The following ATP6V1H variants were observed in gnomAD, a reference collection of about 807,000 sequenced individuals.
ATP6V1H encodes ATPase H+ transporting V1 subunit H, also known as V-type proton ATPase subunit H.
A neutral mutation model predicts 71.7 loss-of-function variants in ATP6V1H; 39 were observed. The ratio of observed to expected loss-of-function variants is 0.54; its 90% confidence interval spans 0.42 to 0.71. ATP6V1H has a LOEUF of 0.71. Among genes scored for constraint, ATP6V1H ranks in the 30% least tolerant of loss-of-function variants. The pLI is 0.00. For synonymous variants in ATP6V1H, 192 were observed against 199.3 expected (o/e 0.96, Z 0.31); for missense variants, 509 against 594.9 (o/e 0.86, Z 1.50).
Position 53,748,220 on chromosome 8 carries a change from G to A in ATP6V1H, c.1278-4530C>T, listed in dbSNP as rs140134429. Among the ~76,000 whole-genome samples, 535 of 151,974 alleles carry A rather than the reference G, an allele frequency of 3.5e-3. 3 individuals are homozygous for A. Among genetic ancestry groups the A allele is most frequent in the African/African-American group, 0.012 (493 of 41,476 alleles). On this transcript the variant is annotated intron_variant, in intron 12 of 13. Transcript: ENST00000359530. ...GTTTCAGTAAAATGTAAGCTCCATG[G>A]GGCAAGACTCAACAAATATTCCTAC...
intron 7 of ATP6V1H, among the ~76,000 whole-genome samples, chr8:53,809,332 T>C (rs1022473771): frequency 3.9e-5 from 6 of 152,182 alleles, no homozygotes; most frequent in Admixed American, 1.3e-4. Context: ...CCTATGGAAA[T>C]ATAAGAATCA....
rs186490526 is a variant in ATP6V1H at position 53,736,767 on chromosome 8, G to C, written c.1391+6810C>G. On this transcript the variant is annotated intron_variant, in intron 13 of 13. Transcript: ENST00000359530. ...CCACTAATAAGTGAGATTCTCACAG[G>C]GGGGAATAAGGAAGGAGACCACCTC... Among the ~76,000 whole-genome samples the C allele has an allele frequency of 3.4e-3, 512 of 152,274 alleles. 5 individuals are homozygous for C. The highest frequency in any genetic ancestry group is 4.8e-3 in the South Asian group (23 of 4,824).
At chr8:53,749,559 G>A (rs952611898) in intron 12 of ATP6V1H, among the ~76,000 whole-genome samples, 4 of 152,252 alleles carry the variant, frequency 2.6e-5, no homozygotes, top group East Asian at 3.9e-4. Context: ...TCCTGCTGGA[G>A]GTCTGGGGTA....
At chr8:53,828,025 T>C (rs549612573) in intron 4 of ATP6V1H, among the ~76,000 whole-genome samples, 2 of 152,224 alleles carry the variant, frequency 1.3e-5, no homozygotes, top group African/African-American at 2.4e-5. Flanking sequence ...GGCATTTAGA[T>C]TGATTCCATG....
chr8:53,799,001 T>G (rs1219586769), intron 8 of ATP6V1H, among the ~76,000 whole-genome samples: 2 of 152,198 alleles, frequency 1.3e-5, no homozygotes, highest in African/African-American at 4.8e-5. Flanking sequence ...TTTTGGTATT[T>G]GAGTTTATTT....
intron 13 of ATP6V1H, among the ~76,000 whole-genome samples, chr8:53,719,182 T>G (rs2130071315): frequency 6.6e-6 from 1 of 152,280 alleles, no homozygotes; most frequent in South Asian, 2.1e-4. Flanking sequence ...CTATTTTTAT[T>G]TTTTTAGAGA....
intron 4 of ATP6V1H, among the ~76,000 whole-genome samples, 187 bp downstream of exon 4, chr8:53,829,257 G>A (rs1810916751): frequency 6.6e-6 from 1 of 152,160 alleles, no homozygotes; most frequent in Admixed American, 6.5e-5. Context: ...AACAAAAACA[G>A]CCTGTGTGTG....
chr8:53,817,087 T>C (rs1332724116), intron 5 of ATP6V1H, among the ~76,000 whole-genome samples: 2 of 152,158 alleles, frequency 1.3e-5, no homozygotes, highest in Non-Finnish European at 2.9e-5. Context: ...GTCATAGTAG[T>C]TACTCCTATG....
chr8:53,806,989 A>G (rs1054427302), intron 7 of ATP6V1H: 31 of 345,164 alleles, frequency 9.0e-5, no homozygotes, highest in African/African-American at 6.2e-4. Context: ...ACTGTCTGTA[A>G]TTGCCTGTGA....
At chr8:53,780,655 A>G (rs1035855268) in intron 9 of ATP6V1H, among the ~76,000 whole-genome samples, 2 of 152,068 alleles carry the variant, frequency 1.3e-5, no homozygotes, top group Non-Finnish European at 2.9e-5. Context: ...CTAGTCATTT[A>G]GCATTAGGTA....
At chr8:53,840,026 A>G (rs929169633) in intron 2 of ATP6V1H, 21 of 563,904 alleles carry the variant, frequency 3.7e-5, no homozygotes, top group Non-Finnish European at 4.5e-5. Flanking sequence ...GCCTTTGCTC[A>G]CATTATCTGT....
chr8:53,737,089 G>A (rs571714906), intron 13 of ATP6V1H, among the ~76,000 whole-genome samples: 2 of 152,196 alleles, frequency 1.3e-5, no homozygotes, highest in Non-Finnish European at 2.9e-5. Flanking sequence ...AGAGCTGTAA[G>A]CCCTTAAAAG....
intron 9 of ATP6V1H, among the ~76,000 whole-genome samples, chr8:53,777,614 G>C (rs1435980481): frequency 2.0e-5 from 3 of 152,148 alleles, no homozygotes; most frequent in Non-Finnish European, 2.9e-5. Flanking sequence ...CCGAAAGCAG[G>C]GATTGGCTAA....
intron 13 of ATP6V1H, among the ~76,000 whole-genome samples, chr8:53,732,696 C>T (rs974915352): frequency 3.2e-4 from 49 of 151,354 alleles, no homozygotes; most frequent in Non-Finnish European, 6.8e-4. Flanking sequence ...ACAGTAAGAG[C>T]AGCTTCGCCA....
intron 13 of ATP6V1H, among the ~76,000 whole-genome samples, chr8:53,718,357 A>C (rs1806496683): frequency 6.6e-6 from 1 of 150,656 alleles, no homozygotes; most frequent in South Asian, 2.1e-4. Flanking sequence ...AAAGATATAA[A>C]TTACAGGTAA....
At chr8:53,743,496 G>A (rs1807488169) in intron 13 of ATP6V1H, 81 bp downstream of exon 13, 2 of 947,300 alleles carry the variant, frequency 2.1e-6, no homozygotes, top group African/African-American at 3.3e-5. Context: ...ATCATTCAAA[G>A]CATTTGCATA....
At chr8:53,834,146 T>C (rs1811088259) in intron 2 of ATP6V1H, among the ~76,000 whole-genome samples, 2 of 152,086 alleles carry the variant, frequency 1.3e-5, no homozygotes, top group South Asian at 4.2e-4. Flanking sequence ...GCCACCAGTA[T>C]GGTAGGAAAA....
intron 13 of ATP6V1H, among the ~76,000 whole-genome samples, chr8:53,718,903 G>C (rs1212994863): frequency 6.6e-6 from 1 of 152,208 alleles, no homozygotes; most frequent in Non-Finnish European, 1.5e-5. Flanking sequence ...GTGGAACTTT[G>C]TGAGCCTGGT....
At chr8:53,737,653 G>A (rs1807267806) in intron 13 of ATP6V1H, among the ~76,000 whole-genome samples, 1 of 152,214 alleles carries the variant, frequency 6.6e-6, no homozygotes, top group Non-Finnish European at 1.5e-5. Flanking sequence ...CTCTGGCCCT[G>A]TACTAACACT....
Sources: gnomAD v4.1 joint callset for allele counts (sites outside exome capture counted in the v4.1 genomes callset) on GRCh38, gnomAD v4.1.1 for gene constraint, MANE v1.5 for transcripts, NCBI Gene and HGNC (gene_info 2026-07-23, HGNC 2026-07-21) for gene names.